The following RASSF3 variants were observed in gnomAD, a reference collection of about 807,000 sequenced individuals.
The protein encoded by RASSF3 is ras association domain-containing protein 3.
In RASSF3, 19 loss-of-function variants were observed where a neutral mutation model predicts 19.9. The ratio of observed to expected loss-of-function variants is 0.96; its 90% confidence interval spans 0.67 to 1.40. RASSF3 has a LOEUF of 1.40. Among genes scored for constraint, RASSF3 ranks in the 40% most tolerant of loss-of-function variants. The pLI, the probability that RASSF3 is intolerant of heterozygous loss-of-function variation, is 0.00. For synonymous variants in RASSF3, 110 were observed against 104.2 expected (o/e 1.06, Z -0.34); for missense variants, 306 against 289.8 (o/e 1.06, Z -0.41).
At chr12:64,631,368 G>C (rs1159644075) in intron 1 of RASSF3, among the ~76,000 whole-genome samples, 1 of 152,108 alleles carries the variant, frequency 6.6e-6, no homozygotes, top group African/African-American at 2.4e-5. Flanking sequence ...CAGTGAACTG[G>C]AGGCGTACAG....
At chr12:64,684,958 T>A in intron 2 of RASSF3, 64 bp downstream of exon 2, 3 of 925,706 alleles carry the variant, frequency 3.2e-6, no homozygotes, top group Non-Finnish European at 5.3e-6. Context: ...TTGTTGGTAC[T>A]ACAATCTATA....
chr12:64,665,187 C>T (rs980292863), intron 1 of RASSF3, among the ~76,000 whole-genome samples: 1 of 152,154 alleles, frequency 6.6e-6, no homozygotes, highest in African/African-American at 2.4e-5. Flanking sequence ...CAGTGCCTCT[C>T]GCAACCAATT....
At position 64,684,888 on chromosome 12, in the gene RASSF3, G is replaced by T; in HGVS notation, c.213G>T (p.Met71Ile). Residue 71 changes from methionine (M) to isoleucine (I), a missense_variant, in exon 2 of 5, where the codon ATG becomes ATT. Transcript: ENST00000542104. The part of the protein sequence containing the change: ...YNLAVTDKLK[M>I]TLNSNGIYTG... ...TAGCAGTCACAGACAAGTTGAAGAT[G>T]ACCTTGGTAAGCACTCAAAATACTA... 6.3e-7 allele frequency: 1 copy of T among 1,597,326 alleles called. No homozygotes were observed. The highest frequency in any genetic ancestry group is 1.1e-5 in the South Asian group (1 of 90,718).
intron 2 of RASSF3, chr12:64,599,147 C>T (rs1870045177): frequency 6.6e-6 from 1 of 152,202 alleles, no homozygotes; most frequent in Non-Finnish European, 1.5e-5. Flanking sequence ...CATGACTTGA[C>T]AAGTAGTGGT....
chr12:64,612,746 G>T (rs1194349153), intron 1 of RASSF3, among the ~76,000 whole-genome samples: 2 of 152,080 alleles, frequency 1.3e-5, no homozygotes, highest in Non-Finnish European at 2.9e-5. Context: ...AAAGTGCAGG[G>T]ATTACAGATG....
chr12:64,653,274 CT>C (rs1454662551), intron 1 of RASSF3, among the ~76,000 whole-genome samples: 36 of 152,094 alleles, frequency 2.4e-4, no homozygotes, highest in African/African-American at 8.5e-4. Flanking sequence ...AGATGGGGAT[CT>C]CACTGTATTG....
At chr12:64,593,250 C>T (rs1869951332) in intron 2 of RASSF3, among the ~76,000 whole-genome samples, 1 of 152,182 alleles carries the variant, frequency 6.6e-6, no homozygotes, top group South Asian at 2.1e-4. Flanking sequence ...GACAGAGTCT[C>T]ACACTCTGTT....
chr12:64,532,883 T>C (rs964277915), upstream of RASSF3, among the ~76,000 whole-genome samples: 1 of 152,118 alleles, frequency 6.6e-6, no homozygotes, highest in Non-Finnish European at 1.5e-5. Context: ...ATTATTTTCC[T>C]CATTTTAGAG....
intron 1 of RASSF3, among the ~76,000 whole-genome samples, chr12:64,648,597 C>T (rs1871824749): frequency 6.6e-6 from 1 of 151,698 alleles, no homozygotes; most frequent in African/African-American, 2.4e-5. Flanking sequence ...ATTATCCTGC[C>T]TCAGCCTCCC....
At chr12:64,656,596 G>A (rs1361976033) in intron 1 of RASSF3, among the ~76,000 whole-genome samples, 1 of 152,152 alleles carries the variant, frequency 6.6e-6, no homozygotes, top group Admixed American at 6.5e-5. Context: ...TTCTGGTGGT[G>A]GGGAAATGCT....
At chr12:64,694,299 G>T (rs546825308) in intron 4 of RASSF3, among the ~76,000 whole-genome samples, 2 of 152,304 alleles carry the variant, frequency 1.3e-5, no homozygotes, top group Admixed American at 1.3e-4. Flanking sequence ...AGGAATAGAT[G>T]ATAGTAGCTA....
intron 4 of RASSF3, among the ~76,000 whole-genome samples, chr12:64,692,813 G>A (rs1401702660): frequency 3.3e-5 from 5 of 152,156 alleles, no homozygotes; most frequent in Non-Finnish European, 7.3e-5. Context: ...CTGGGCTCAA[G>A]CAATCCTCCC....
At chr12:64,526,644 A>G (rs1868593082) in intron 1 of RASSF3, among the ~76,000 whole-genome samples, 1 of 152,146 alleles carries the variant, frequency 6.6e-6, no homozygotes, top group South Asian at 2.1e-4. Context: ...CCTGGGCTCA[A>G]GCAATTCTCC....
At chr12:64,569,199 T>C (rs1268072255) in intron 2 of RASSF3, among the ~76,000 whole-genome samples, 1 of 152,232 alleles carries the variant, frequency 6.6e-6, no homozygotes, top group Non-Finnish European at 1.5e-5. Context: ...TGGCAGCTTC[T>C]CTCTTGCCTC....
At chr12:64,550,913 G>C (rs563641478) in intron 2 of RASSF3, among the ~76,000 whole-genome samples, 2 of 150,610 alleles carry the variant, frequency 1.3e-5, no homozygotes, top group Admixed American at 6.6e-5. Flanking sequence ...CAATCCTGCC[G>C]GCTCACTGCT....
intron 2 of RASSF3, among the ~76,000 whole-genome samples, chr12:64,602,348 A>T (rs1231295742): frequency 1.3e-5 from 2 of 151,148 alleles, no homozygotes; most frequent in Non-Finnish European, 2.9e-5. Context: ...TGGGAGGCTG[A>T]GGCGGGTGAA....
intron 1 of RASSF3, among the ~76,000 whole-genome samples, chr12:64,660,161 G>A (rs890275873): frequency 4.6e-5 from 7 of 151,546 alleles, no homozygotes; most frequent in Middle Eastern, 3.2e-3. Context: ...CAAGTGATCC[G>A]CCCGCCTCTG....
chr12:64,609,260 GTACTGCCTCC>G (rs1870255530), upstream of RASSF3: 1 of 152,208 alleles, frequency 6.6e-6, no homozygotes, highest in Non-Finnish European at 1.5e-5. Context: ...AACGGTCCGA[GTACTGCCTCC>G]TACAGCCACT....
At chr12:64,655,028 T>TAC in intron 1 of RASSF3, 1 of 152,332 alleles carries the variant, frequency 6.6e-6, no homozygotes, top group Non-Finnish European at 1.5e-5. Flanking sequence ...ATTACACCAG[T>TAC]ACGTATCCCA....
Sources: allele counts gnomAD v4.1 joint callset (sites outside exome capture counted in the v4.1 genomes callset), GRCh38; gene constraint gnomAD v4.1.1; transcripts MANE v1.5; gene names NCBI Gene and HGNC (gene_info 2026-07-23, HGNC 2026-07-21).